Variants in SEL1L3 observed in about 807,000 individuals in gnomAD.
SEL1L3 encodes protein sel-1 homolog 3.
A neutral mutation model predicts 142.8 loss-of-function variants in SEL1L3; 76 were observed. The observed-to-expected ratio is 0.53, with a 90% confidence interval of 0.44 to 0.64. The LOEUF (loss-of-function observed/expected upper bound fraction) is 0.64, where lower values mean the gene tolerates loss of function less well. Among genes scored for constraint, SEL1L3 ranks in the 30% least tolerant of loss-of-function variants. SEL1L3 has a pLI of 0.00. For synonymous variants in SEL1L3, 504 were observed against 519.6 expected (o/e 0.97, Z 0.41); for missense variants, 1,262 against 1,381.7 (o/e 0.91, Z 1.37).
chr4:25,719,497 G>A, the SEL1L3 span: 2 of 152,154 alleles, frequency 1.3e-5, no homozygotes, highest in African/African-American at 2.4e-5. Flanking sequence ...TCATTGGACA[G>A]GTGATATTGG....
the SEL1L3 span, among the ~76,000 whole-genome samples, chr4:25,740,045 C>G: frequency 2.0e-5 from 3 of 151,882 alleles, no homozygotes; most frequent in African/African-American, 7.2e-5. Context: ...TGATCCTCCC[C>G]GCTCAGCCTC....
chr4:25,834,936 G>A (rs987868889), intron 3 of SEL1L3, among the ~76,000 whole-genome samples: 50 of 152,300 alleles, frequency 3.3e-4, no homozygotes, highest in African/African-American at 1.1e-3. Flanking sequence ...AGGGCCTCAG[G>A]CTTCAACACC....
intron 1 of SEL1L3, among the ~76,000 whole-genome samples, chr4:25,856,486 T>C (rs1484891975): frequency 6.6e-6 from 1 of 151,806 alleles, no homozygotes; most frequent in African/African-American, 2.4e-5. Context: ...CCCTCAAATA[T>C]GTTTATACCA....
chr4:25,787,897 C>T (rs1001907269), intron 13 of SEL1L3, among the ~76,000 whole-genome samples: 1 of 152,230 alleles, frequency 6.6e-6, no homozygotes, highest in African/African-American at 2.4e-5. Flanking sequence ...AAAGAGAACT[C>T]TGCCTGGTGG....
chr4:25,756,947 T>C (rs1166484085), intron 23 of SEL1L3: 24 of 1,268,262 alleles, frequency 1.9e-5, no homozygotes, highest in Admixed American at 2.5e-5. Context: ...TTGTATTAGG[T>C]CAGTTTCTTA....
chr4:25,731,053 A>G, the SEL1L3 span, among the ~76,000 whole-genome samples: 2 of 152,182 alleles, frequency 1.3e-5, no homozygotes, highest in African/African-American at 4.8e-5. Context: ...AAAGTCAGGT[A>G]ACAGATCTTT....
rs911349555 is a variant in SEL1L3, at chr4:25,847,606, T to C, written c.421A>G (p.Ser141Gly). Reference protein sequence around the residue: ...RWKNEKHLHTSRTQIVHVKFP... With the variant: ...RWKNEKHLHTGRTQIVHVKFP... ...TTCACATGTACTATTTGTGTCCTGC[T>C]GGTGTGAAGATGTTTCTCATTCTTC... Residue 141 changes from serine to glycine, a missense_variant, in exon 2 of 24, where the codon AGC (serine) becomes GGC (glycine). Ser to Gly is a moderately conservative substitution (Grantham distance 56). This residue lies in a region of SEL1L3 where 689 missense variants were observed against 692.8 expected (regional missense o/e 0.99). Coordinates refer to ENST00000399878, the MANE Select transcript of SEL1L3 (RefSeq NM_015187.5). 1.2e-6 allele frequency: 2 copies of C among 1,613,934 alleles called. No homozygotes were observed. The highest frequency in any genetic ancestry group is 1.7e-6 in the Non-Finnish European group (2 of 1,179,898).
rs1022518694 is a variant in SEL1L3 at position 25,767,615 on chromosome 4, G to C, written c.2761-6C>G. On this transcript the variant is annotated splice_region_variant and splice_polypyrimidine_tract_variant and intron_variant, in intron 18 of 23. Coordinates refer to ENST00000399878, the MANE Select transcript of SEL1L3 (RefSeq NM_015187.5). ...AAGTATCTCCTGGCCAGGTCCTAAGGGGTAAAGGGAAGAAAAAGTTAATTC... is the reference window on the plus strand; with the variant it reads ...AAGTATCTCCTGGCCAGGTCCTAAGCGGTAAAGGGAAGAAAAAGTTAATTC... 6.3e-6 allele frequency: 10 copies of C among 1,581,034 alleles called. No individual in the cohort carries two copies. The highest frequency in any genetic ancestry group is 2.7e-5 in the African/African-American group (2 of 74,178).
At chr4:25,796,787 A>AAAAAAC (rs1183433883) in intron 11 of SEL1L3, among the ~76,000 whole-genome samples, 2 of 152,118 alleles carry the variant, frequency 1.3e-5, no homozygotes, top group Non-Finnish European at 2.9e-5. Flanking sequence ...AAACAAAACA[A>AAAAAAC]AAAAACAAAA....
At position 25,842,437 on chromosome 4, in the gene SEL1L3, G is replaced by A. The variant is rs79223488; in HGVS notation, c.733+4857C>T. Reference sequence around the variant, plus strand: ...ATTCTAAGGAAAAGAAACTGCTTTAGCAAAGACATAGGGGTGGGGAATCAA... The same window carrying A: ...ATTCTAAGGAAAAGAAACTGCTTTAACAAAGACATAGGGGTGGGGAATCAA... On this transcript the variant is annotated intron_variant, in intron 2 of 23. Transcript: ENST00000399878. 6.5e-3 allele frequency among the ~76,000 whole-genome samples: 991 copies of A among 152,270 alleles called. 10 individuals carry two copies. The highest frequency in any genetic ancestry group is 0.023 in the African/African-American group (939 of 41,544).
chr4:25,852,835 G>A (rs532080517), intron 1 of SEL1L3, among the ~76,000 whole-genome samples: 1 of 152,208 alleles, frequency 6.6e-6, no homozygotes, highest in South Asian at 2.1e-4. Flanking sequence ...TTTTGAGTAG[G>A]GATAAGGGGT....
the SEL1L3 span, among the ~76,000 whole-genome samples, chr4:25,735,278 C>T: frequency 6.6e-6 from 1 of 151,718 alleles, no homozygotes; most frequent in African/African-American, 2.4e-5. Flanking sequence ...CTCCTAGGTT[C>T]AAGCAATCCT....
chr4:25,761,153 A>T (rs563714069), intron 20 of SEL1L3, among the ~76,000 whole-genome samples: 113 of 152,194 alleles, frequency 7.4e-4, no homozygotes, highest in Non-Finnish European at 1.5e-3. Flanking sequence ...AAAATTTGAG[A>T]TATTAAGAGA....
chr4:25,731,440 A>G, the SEL1L3 span, among the ~76,000 whole-genome samples: 5 of 152,348 alleles, frequency 3.3e-5, no homozygotes, highest in East Asian at 7.7e-4. Context: ...ACCACAATCA[A>G]GATGGTAAGT....
At chr4:25,838,902 C>A (rs1470171521) in intron 2 of SEL1L3, among the ~76,000 whole-genome samples, 1 of 152,208 alleles carries the variant, frequency 6.6e-6, no homozygotes, top group Non-Finnish European at 1.5e-5. Context: ...AACACTTCCA[C>A]GTAACAAAGG....
chr4:25,853,053 G>C (rs1164804511), intron 1 of SEL1L3, among the ~76,000 whole-genome samples: 1 of 152,128 alleles, frequency 6.6e-6, no homozygotes, highest in African/African-American at 2.4e-5. Flanking sequence ...TTTGTTTGAT[G>C]GTCCATGCTT....
intron 21 of SEL1L3, among the ~76,000 whole-genome samples, chr4:25,758,591 A>G (rs926818173): frequency 6.6e-6 from 1 of 152,104 alleles, no homozygotes; most frequent in African/African-American, 2.4e-5. Context: ...TAAACTTCAG[A>G]TATTAGAAAA....
chr4:25,776,291 G>A lies in SEL1L3; in HGVS notation c.2655C>T (p.Tyr885=). ...GHVIRKGLNA[Y]LEGSWHEALL... is the part of the protein sequence containing the mutation. Reference sequence around the variant, plus strand: ...CCCAAGCTTACCATGAACCTTCCAGGTAGGCATTGAGGCCTTTGCGGATGA... The same window carrying A: ...CCCAAGCTTACCATGAACCTTCCAGATAGGCATTGAGGCCTTTGCGGATGA... The change falls in exon 17 of 24, where the codon TAC becomes TAT. Residue 885 remains tyrosine (Y), a synonymous_variant. Transcript: ENST00000399878. 11 of 1,611,068 alleles carry A rather than the reference G, an allele frequency of 6.8e-6. No homozygotes were observed. The highest frequency in any genetic ancestry group is 8.5e-6 in the Non-Finnish European group (10 of 1,177,680).
intron 1 of SEL1L3, among the ~76,000 whole-genome samples, chr4:25,853,664 C>CTT (rs34922528): frequency 0.014 from 1,161 of 83,000 alleles, no homozygotes; most frequent in East Asian, 0.018. Context: ...CTCTTCTTAC[C>CTT]TTTTTTTTTT....
Sources: gnomAD v4.1 joint callset for allele counts (sites outside exome capture counted in the v4.1 genomes callset) on GRCh38, gnomAD v4.1.1 for gene constraint, gnomAD v4.1.1 regional missense constraint, MANE v1.5 for transcripts, NCBI Gene and HGNC (gene_info 2026-07-23, HGNC 2026-07-21) for gene names.